The following VCAN variants were observed in gnomAD, a reference collection of about 807,000 sequenced individuals.
VCAN encodes versican, also known as versican core protein.
Under a neutral mutation model 245.5 loss-of-function variants are expected in VCAN, and 44 were observed. The ratio of observed to expected loss-of-function variants is 0.18; its 90% CI spans 0.14 to 0.23. VCAN has a LOEUF of 0.23. VCAN is among the 10% of genes least tolerant of loss of function. The pLI, the probability that VCAN is intolerant of heterozygous loss-of-function variation, is 1.00. For missense variants in VCAN, 3,793 were observed against 4,057.9 expected, an observed-to-expected ratio of 0.93 and a Z score of 1.77; for synonymous variants, 1,413 against 1,437.0, an observed-to-expected ratio of 0.98 and a Z score of 0.38.
At chr5:83,477,183 A>G (rs992742006) in intron 1 of VCAN, among the ~76,000 whole-genome samples, 2 of 152,196 alleles carry the variant, frequency 1.3e-5, no homozygotes, top group Non-Finnish European at 2.9e-5. Context: ...TTGAAAAACT[A>G]TACAAAAAAG....
intron 12 of VCAN, among the ~76,000 whole-genome samples, chr5:83,563,408 T>G (rs936953885): frequency 3.3e-5 from 5 of 152,194 alleles, no homozygotes; most frequent in African/African-American, 1.2e-4. Flanking sequence ...ACCAGCCATC[T>G]AGGGATAAAA....
chr5:83,568,501 A>G (rs938910380), intron 12 of VCAN, among the ~76,000 whole-genome samples: 20 of 152,158 alleles, frequency 1.3e-4, no homozygotes, highest in Middle Eastern at 6.3e-3. Flanking sequence ...CAGAGGCCTG[A>G]ATCTGGGCAG....
At chr5:83,482,347 A>C (rs1167322934) in intron 1 of VCAN, among the ~76,000 whole-genome samples, 1 of 152,188 alleles carries the variant, frequency 6.6e-6, no homozygotes, top group Non-Finnish European at 1.5e-5. Context: ...AGATCCCCTC[A>C]CATCTCACTG....
rs146375884 is a variant in VCAN, at chr5:83,574,296, T to A, written c.9880+1736T>A. ...GTGCCCCAAATAATGCTCTATTAGGTTTCTAGGTATTCCTTAATCCAGTCA... is the reference window on the plus strand; with the variant it reads ...GTGCCCCAAATAATGCTCTATTAGGATTCTAGGTATTCCTTAATCCAGTCA... On this transcript the variant is annotated intron_variant, in intron 13 of 14. Transcript: ENST00000265077. Among the ~76,000 whole-genome samples, 259 of 152,272 alleles carry A rather than the reference T, an allele frequency of 1.7e-3. 3 individuals carry two copies. Among genetic ancestry groups the A allele is most frequent in the African/African-American group, 5.9e-3 (247 of 41,556 alleles).
chr5:83,563,686 G>C (rs1399707376), intron 12 of VCAN, among the ~76,000 whole-genome samples: 1 of 152,160 alleles, frequency 6.6e-6, no homozygotes, highest in Non-Finnish European at 1.5e-5. Flanking sequence ...CGTTTGGATT[G>C]AATTTTGTAG....
Position 83,485,821 on chromosome 5 carries a change from T to G in VCAN, c.70+2233T>G, listed in dbSNP as rs372518760. Among the ~76,000 whole-genome samples, 127 of 152,200 alleles carry G rather than the reference T, an allele frequency of 8.3e-4. 1 individual carries two copies. In the Middle Eastern group the frequency reaches 0.031, roughly 37 times the overall value. Reference sequence around the variant, plus strand: ...ACCAATTTAAAAGCTCCTCCTTGGGTGGGTGCAGTGGATCATGCCTGTAAT... The same window carrying G: ...ACCAATTTAAAAGCTCCTCCTTGGGGGGGTGCAGTGGATCATGCCTGTAAT... On this transcript the variant is annotated intron_variant, in intron 2 of 14. Transcript: ENST00000265077.
At position 83,521,909 on chromosome 5, in the gene VCAN, C is replaced by T. The variant is rs1401166587; in HGVS notation, c.3603C>T (p.Val1201=). 6.2e-7 allele frequency: 1 copy of T among 1,614,166 alleles called. No individual in the cohort carries two copies. Among genetic ancestry groups the T allele is most frequent in the East Asian group, 2.2e-5 (1 of 44,880 alleles). ...TELIEFSTIK[V]TVPSDITTAF... ...TCATAGAATTTTCAACAATCAAAGT[C>T]ACAGTTCCAAGTGATATTACCACTG... The change falls in exon 7 of 15, where the codon GTC becomes GTT. Residue 1201 remains valine (V), a synonymous_variant. Coordinates refer to ENST00000265077, the MANE Select transcript of VCAN (RefSeq NM_004385.5).
At chr5:83,515,463 T>A (rs1051797047) in intron 6 of VCAN, among the ~76,000 whole-genome samples, 2 of 152,242 alleles carry the variant, frequency 1.3e-5, no homozygotes, top group Non-Finnish European at 2.9e-5. Flanking sequence ...TGCATTTGAA[T>A]TTGAACCCAT....
intron 7 of VCAN, chr5:83,535,877 C>T (rs1273536644): frequency 6.6e-6 from 1 of 152,114 alleles, no homozygotes; most frequent in African/African-American, 2.4e-5. Context: ...TGTGTAAATT[C>T]TTTGTCTTCT....
At chr5:83,519,284 A>G in intron 6 of VCAN, 65 bp from the exon 7 acceptor site, 1 of 1,564,944 alleles carries the variant, frequency 6.4e-7, no homozygotes, top group South Asian at 1.2e-5. Flanking sequence ...GCACTTAACA[A>G]ACACTGGGCA....
At chr5:83,474,803 G>C (rs189644062) in intron 1 of VCAN, among the ~76,000 whole-genome samples, 37 of 152,350 alleles carry the variant, frequency 2.4e-4, no homozygotes, top group Non-Finnish European at 2.9e-5. Context: ...GCTGACCCGA[G>C]TTCCATCCAG....
chr5:83,513,438 T>G (rs1274124211), intron 6 of VCAN, among the ~76,000 whole-genome samples: 1 of 152,202 alleles, frequency 6.6e-6, no homozygotes, highest in Non-Finnish European at 1.5e-5. Context: ...CAACCAAAAA[T>G]ACACAGACTG....
Position 83,514,854 on chromosome 5 carries a change from G to T in VCAN, c.1042+2458G>T, listed in dbSNP as rs144429335. On this transcript the variant is annotated intron_variant, in intron 6 of 14. Transcript: ENST00000265077. ...AGTCAAGTAGTGACTAAATTCTGTA[G>T]GGTAAAATTCATAAGAGTCATGGCC... is the stretch of plus-strand genomic sequence containing the variant. Among the ~76,000 whole-genome samples the T allele has an allele frequency of 7.3e-3, 1,115 of 152,290 alleles. 3 individuals carry two copies. The highest frequency in any genetic ancestry group is 0.011 in the Non-Finnish European group (781 of 68,016).
intron 5 of VCAN, among the ~76,000 whole-genome samples, chr5:83,507,428 G>T (rs1166985083): frequency 1.3e-5 from 2 of 152,184 alleles, no homozygotes; most frequent in Non-Finnish European, 2.9e-5. Flanking sequence ...GTTGTACTGT[G>T]ATTAAAAACT....
chr5:83,483,978 A>G (rs774237718), intron 2 of VCAN, among the ~76,000 whole-genome samples: 1 of 152,212 alleles, frequency 6.6e-6, no homozygotes, highest in Non-Finnish European at 1.5e-5. Context: ...GATAAAGAGA[A>G]AGCTGACAGC....
intron 13 of VCAN, among the ~76,000 whole-genome samples, chr5:83,575,031 AC>A (rs1748422012): frequency 6.6e-6 from 1 of 152,222 alleles, no homozygotes; most frequent in South Asian, 2.1e-4. Flanking sequence ...CTAGACCCAG[AC>A]TTTTACCCAT....
In VCAN at chr5:83,541,333, C is replaced by T; in HGVS notation, c.8330C>T (p.Thr2777Ile). ...GCTGAGGAGGCATTAGTAGACCATA[C>T]TCCCTATCTAAGTATTGCTACTACC... ...SGAEEALVDH[T>I]PYLSIATTHL... The change falls in exon 8 of 15, where the codon ACT becomes ATT. Residue 2777 changes from threonine (T) to isoleucine (I), a missense_variant. Thr to Ile is a moderately conservative substitution (Grantham distance 89, BLOSUM62 -1). This residue lies in a region of VCAN where 3,182 missense variants were observed against 3,250.3 expected (regional missense o/e 0.98). Coordinates refer to ENST00000265077, the MANE Select transcript of VCAN (RefSeq NM_004385.5). 1 of 1,614,090 alleles carries T rather than the reference C, an allele frequency of 6.2e-7. No individual in the cohort carries two copies. The highest frequency in any genetic ancestry group is 8.5e-7 in the Non-Finnish European group (1 of 1,180,002).
intron 1 of VCAN, among the ~76,000 whole-genome samples, chr5:83,475,983 C>T (rs531132313): frequency 8.4e-4 from 128 of 152,292 alleles, no homozygotes; most frequent in African/African-American, 3.0e-3. Context: ...TTCTTTTTCC[C>T]TGTGTTTGCA....
rs184452501 is a variant in VCAN at position 83,541,055 on chromosome 5, C to G, written c.8052C>G (p.Asp2684Glu). The change falls in exon 8 of 15, where the codon GAC becomes GAG. Residue 2684 changes from aspartate to glutamate, a missense_variant. Asp to Glu is a conservative substitution (Grantham distance 45). This residue lies in a region of VCAN where 3,182 missense variants were observed against 3,250.3 expected (regional missense o/e 0.98). Coordinates refer to ENST00000265077, the MANE Select transcript of VCAN (RefSeq NM_004385.5). ...CTCCTAGCACAGAAACAGAATTAGA[C>G]GTTTTACTTCCCACGGCAACATCCC... ...IPAPSTETEL[D>E]VLLPTATSLP... The G allele has an allele frequency of 2.2e-5, 36 of 1,613,900 alleles. No individual in the cohort carries two copies. Among genetic ancestry groups the G allele is most frequent in the Non-Finnish European group, 2.6e-5 (31 of 1,179,984 alleles).
Sources: gnomAD v4.1 joint callset for allele counts (sites outside exome capture counted in the v4.1 genomes callset) on GRCh38, gnomAD v4.1.1 for gene constraint, gnomAD v4.1.1 regional missense constraint, MANE v1.5 for transcripts, NCBI Gene and HGNC (gene_info 2026-07-23, HGNC 2026-07-21) for gene names.